The following ADAMTS12 variants were observed in gnomAD, a reference collection of about 807,000 sequenced individuals.
ADAMTS12 encodes ADAM metallopeptidase with thrombospondin type 1 motif 12.
Under a neutral mutation model 167.8 loss-of-function variants are expected in ADAMTS12, and 118 were observed. That is an observed-to-expected ratio of 0.70 (90% CI 0.61 to 0.82). The LOEUF (loss-of-function observed/expected upper bound fraction) is 0.82. Among genes scored for constraint, ADAMTS12 ranks in the 40% least tolerant of loss-of-function variants. ADAMTS12 has a pLI of 0.00. For missense variants in ADAMTS12, 1,916 were observed against 1,998.8 expected (o/e 0.96, Z 0.79); for synonymous variants, 704 against 716.9 (o/e 0.98, Z 0.29).
At chr5:33,528,854 A>G (rs1249718584) in intron 23 of ADAMTS12, among the ~76,000 whole-genome samples, 2 of 152,098 alleles carry the variant, frequency 1.3e-5, no homozygotes, top group Admixed American at 1.3e-4. Flanking sequence ...AGACTAGTCT[A>G]GCCAACATGG....
At chr5:33,757,643 T>C (rs1054277501) in intron 2 of ADAMTS12, among the ~76,000 whole-genome samples, 3 of 152,194 alleles carry the variant, frequency 2.0e-5, no homozygotes, top group Non-Finnish European at 2.9e-5. Flanking sequence ...ATAATCCCTT[T>C]GTTGGAAAAT....
At chr5:33,811,965 T>C (rs1038293913) in intron 2 of ADAMTS12, among the ~76,000 whole-genome samples, 2 of 152,066 alleles carry the variant, frequency 1.3e-5, no homozygotes, top group African/African-American at 2.4e-5. Flanking sequence ...AGGGATGACA[T>C]AAACGATAGG....
intron 3 of ADAMTS12, among the ~76,000 whole-genome samples, chr5:33,748,257 C>G (rs956155851): frequency 7.9e-5 from 12 of 152,260 alleles, no homozygotes; most frequent in African/African-American, 1.2e-4. Context: ...AGGAGCTTGT[C>G]ATCGTTGATA....
chr5:33,763,994 T>G (rs1745444321), intron 2 of ADAMTS12, among the ~76,000 whole-genome samples: 1 of 152,082 alleles, frequency 6.6e-6, no homozygotes, highest in Non-Finnish European at 1.5e-5. Context: ...AGAAATACCA[T>G]GAGGAAGCAC....
chr5:33,705,789 A>T (rs1419496123), intron 3 of ADAMTS12, among the ~76,000 whole-genome samples: 1 of 152,140 alleles, frequency 6.6e-6, no homozygotes, highest in East Asian at 1.9e-4. Context: ...AGCCTGGGCA[A>T]CAGAGCAAGA....
intron 2 of ADAMTS12, among the ~76,000 whole-genome samples, chr5:33,827,128 T>G (rs1748100167): frequency 2.7e-5 from 1 of 37,524 alleles, no homozygotes. Context: ...TGCTCAAGGC[T>G]GACAGATGGG....
chr5:33,549,169 G>A (rs764511462), intron 21 of ADAMTS12, 38 bp downstream of exon 21: 1 of 1,597,324 alleles, frequency 6.3e-7, no homozygotes, highest in South Asian at 1.1e-5. Flanking sequence ...GGCTTGCCAG[G>A]TTGTGTGAGG....
intron 5 of ADAMTS12, among the ~76,000 whole-genome samples, chr5:33,667,176 G>T (rs1741502753): frequency 6.6e-6 from 1 of 151,886 alleles, no homozygotes; most frequent in African/African-American, 2.4e-5. Flanking sequence ...AAATTAGCTG[G>T]GCGTGGTGGT....
chr5:33,849,747 A>G (rs187531827), intron 2 of ADAMTS12, among the ~76,000 whole-genome samples: 2,617 of 148,310 alleles, frequency 0.018, 135 homozygotes, highest in African/African-American at 0.063. Flanking sequence ...TTGCATAGCA[A>G]TATATAGTAT....
intron 20 of ADAMTS12, among the ~76,000 whole-genome samples, chr5:33,555,657 C>T (rs1028090841): frequency 6.6e-6 from 1 of 152,188 alleles, no homozygotes; most frequent in African/African-American, 2.4e-5. Context: ...ATTAAAATGA[C>T]ATAATCCCCC....
At chr5:33,529,100 A>C (rs1743969907) in intron 23 of ADAMTS12, among the ~76,000 whole-genome samples, 1 of 152,226 alleles carries the variant, frequency 6.6e-6, no homozygotes. Context: ...TGAGGGATAC[A>C]GACATAAACT....
intron 2 of ADAMTS12, among the ~76,000 whole-genome samples, chr5:33,785,221 G>A (rs1210050500): frequency 6.6e-6 from 1 of 151,978 alleles, no homozygotes; most frequent in Non-Finnish European, 1.5e-5. Context: ...TTAGAACTAT[G>A]GGAGAAACTA....
chr5:33,790,088 T>C (rs1400629001), intron 2 of ADAMTS12, among the ~76,000 whole-genome samples: 1 of 152,166 alleles, frequency 6.6e-6, no homozygotes, highest in East Asian at 1.9e-4. Flanking sequence ...TTTGTAGTGC[T>C]CTTTAAAAAA....
intron 2 of ADAMTS12, among the ~76,000 whole-genome samples, chr5:33,805,398 C>T (rs148287992): frequency 2.0e-5 from 3 of 152,254 alleles, no homozygotes; most frequent in African/African-American, 7.2e-5. Flanking sequence ...GGTAGTTGAG[C>T]CGTATTCTCC....
chr5:33,696,685 A>C (rs1352255218), intron 3 of ADAMTS12, among the ~76,000 whole-genome samples: 2 of 152,178 alleles, frequency 1.3e-5, no homozygotes, highest in African/African-American at 2.4e-5. Flanking sequence ...GTAAGTCTGC[A>C]CTGGGAGGCT....
intron 1 of ADAMTS12, among the ~76,000 whole-genome samples, chr5:33,883,730 G>A (rs1396648112): frequency 3.3e-5 from 5 of 152,104 alleles, no homozygotes; most frequent in African/African-American, 1.2e-4. Flanking sequence ...TAGGGAGTGG[G>A]AACAAAAATG....
At chr5:33,776,562 G>A (rs984194090) in intron 2 of ADAMTS12, among the ~76,000 whole-genome samples, 14 of 152,014 alleles carry the variant, frequency 9.2e-5, no homozygotes, top group South Asian at 4.1e-4. Flanking sequence ...CTTATGGAAC[G>A]CAGCAAAAGC....
chr5:33,887,919 A>T, intron 1 of ADAMTS12: 1 of 151,756 alleles, frequency 6.6e-6, no homozygotes, highest in East Asian at 1.9e-4. Context: ...TGATTTTTGT[A>T]TTTTTAGTAG....
At chr5:33,593,223 A>G (rs1353178288) in intron 17 of ADAMTS12, among the ~76,000 whole-genome samples, 1 of 152,186 alleles carries the variant, frequency 6.6e-6, no homozygotes, top group Non-Finnish European at 1.5e-5. Flanking sequence ...TTAGTTTTGG[A>G]GTCAAGCATT....
Sources: allele counts gnomAD v4.1 joint callset (sites outside exome capture counted in the v4.1 genomes callset), GRCh38; gene constraint gnomAD v4.1.1; transcripts MANE v1.5; gene names NCBI Gene and HGNC (gene_info 2026-07-23, HGNC 2026-07-21).